Variants in HROB observed in about 807,000 individuals in gnomAD.
HROB encodes homologous recombination OB-fold protein.
HROB carries 44 observed loss-of-function variants against 61.0 expected under a neutral mutation model. That is an observed-to-expected ratio of 0.72 (90% CI 0.57 to 0.93). The LOEUF (loss-of-function observed/expected upper bound fraction) is 0.93, where lower values mean the gene tolerates loss of function less well. Ranked by LOEUF, HROB falls within the 40% of genes least tolerant of loss-of-function variation. HROB has a pLI of 0.00. For synonymous variants in HROB, 301 were observed against 310.4 expected, an observed-to-expected ratio of 0.97 and a Z score of 0.32; for missense variants, 716 against 796.2, an observed-to-expected ratio of 0.90 and a Z score of 1.21.
chr17:44,142,861 A>G (rs191181198), intron 1 of HROB, among the ~76,000 whole-genome samples: 116 of 152,300 alleles, frequency 7.6e-4, no homozygotes, highest in East Asian at 3.9e-4. Flanking sequence ...GTTTGACATA[A>G]GATTGGTCAG....
rs1039989893 is a variant in HROB at position 44,149,099 on chromosome 17, G to C, written c.1224+72G>C. The C allele has an allele frequency of 2.8e-6, 4 of 1,403,700 alleles. No homozygotes were observed. In the African/African-American group the frequency reaches 5.8e-5, roughly 20 times the overall value. The allele number at this position is 1,403,700 out of a possible 1,614,324, so 87.0% of individuals were successfully genotyped here. A position where few individuals can be genotyped will look rare whatever the true frequency, so the allele number is the denominator to read the frequency against. On this transcript the variant is annotated intron_variant, in intron 3 of 9. Coordinates refer to ENST00000585683, the MANE Select transcript of HROB (RefSeq NM_001171251.3). ...AGGGTTCCAGCACTGTCCAGCCCTA[G>C]CATATCTTCCCTCTTGCAGAGAAGG...
Position 44,148,707 on chromosome 17 carries a change from C to T in HROB, c.904C>T (p.Gln302Ter), listed in dbSNP as rs1246614447. 1.9e-6 allele frequency: 3 copies of T among 1,614,182 alleles called. No individual in the cohort carries two copies. The highest frequency in any genetic ancestry group is 3.3e-5 in the Admixed American group (2 of 60,018). ...PQNRFPCQPFQSPSSWLSGKA... is the reference protein window; with the variant it reads ...PQNRFPCQPF ...AAATCGTTTCCCTTGTCAGCCATTC[C>T]AGTCTCCAAGTTCCTGGTTAAGTGG... Residue 302 changes from glutamine (Q) to a stop codon, truncating the protein, a stop_gained, in exon 3 of 10, where the codon CAG (glutamine) becomes TAG (stop). Coordinates refer to ENST00000585683, the MANE Select transcript of HROB (RefSeq NM_001171251.3). LOFTEE classifies it high-confidence loss of function.
At chr17:44,158,373 A>AC (rs1401002839) in intron 9 of HROB, among the ~76,000 whole-genome samples, 2 of 152,218 alleles carry the variant, frequency 1.3e-5, no homozygotes, top group South Asian at 4.1e-4. Flanking sequence ...CAGGCTACAA[A>AC]CCAGAGAGGC....
In HROB at chr17:44,148,217, C is replaced by T. The variant is rs766747684; in HGVS notation, c.414C>T (p.Leu138=). The change falls in exon 3 of 10, where the codon CTC becomes CTT. Residue 138 remains leucine (L), a synonymous_variant. Transcript: ENST00000585683. ...AGTCCTCAGCCTTACACCCCCTACT[C>T]ACCTTTGAGAGCCAACAGCAGCAAG... ...RPQSSALHPL[L]TFESQQQQVG... is the part of the protein sequence containing the mutation. 2 of 1,614,088 alleles carry T rather than the reference C, an allele frequency of 1.2e-6. No individual in the cohort carries two copies. The highest frequency in any genetic ancestry group is 2.7e-5 in the African/African-American group (2 of 74,928).
intron 7 of HROB, 51 bp from the exon 8 acceptor site, chr17:44,155,235 C>T: frequency 6.2e-7 from 1 of 1,605,372 alleles, no homozygotes. Context: ...GTCCATCTGG[C>T]AGCTCCCAGT....
At chr17:44,146,843 T>C (rs552748257) in intron 2 of HROB, among the ~76,000 whole-genome samples, 1 of 152,116 alleles carries the variant, frequency 6.6e-6, no homozygotes, top group South Asian at 2.1e-4. Context: ...GTCAGTTAAA[T>C]CAGCAGTTCT....
Position 44,148,178 on chromosome 17 carries a change from G to C in HROB, c.375G>C (p.Glu125Asp). ...RRVTVTEVLRETARPQSSALH... is the reference protein window; with the variant it reads ...RRVTVTEVLRDTARPQSSALH... ...TGACAGTGACAGAAGTGCTCAGAGA[G>C]ACAGCAAGACCTCAGTCCTCAGCCT... Residue 125 changes from glutamate (E) to aspartate (D), a missense_variant, in exon 3 of 10, where the codon GAG (glutamate) becomes GAC (aspartate). Glu to Asp is a conservative substitution (Grantham distance 45). Transcript: ENST00000585683. 6.2e-7 allele frequency: 1 copy of C among 1,614,196 alleles called. No homozygotes were observed. Among genetic ancestry groups the C allele is most frequent in the South Asian group, 1.1e-5 (1 of 91,088 alleles).
intron 8 of HROB, among the ~76,000 whole-genome samples, chr17:44,157,405 CTTTTTTTT>C (rs71160088): frequency 0.062 from 5,062 of 81,556 alleles, 131 homozygotes; most frequent in Middle Eastern, 0.093. Context: ...CATCATGTTT[CTTTTTTTT>C]TTTTTTTTTT....
At chr17:44,147,126 G>A (rs996722478) in intron 2 of HROB, among the ~76,000 whole-genome samples, 2 of 151,944 alleles carry the variant, frequency 1.3e-5, no homozygotes, top group African/African-American at 4.8e-5. Context: ...AGCATGACCA[G>A]CTGGATAGAT....
At chr17:44,158,800 C>T (rs926873384) in intron 9 of HROB, among the ~76,000 whole-genome samples, 1 of 152,164 alleles carries the variant, frequency 6.6e-6, no homozygotes, top group Non-Finnish European at 1.5e-5. Context: ...CGCCCGCCAC[C>T]ATGCCCAGCT....
chr17:44,142,051 G>A lies in HROB; in HGVS notation c.-92G>A. 6.7e-7 allele frequency: 1 copy of A among 1,485,360 alleles called. No homozygotes were observed. The highest frequency in any genetic ancestry group is 1.2e-5 in the South Asian group (1 of 82,734). The allele number at this position is 1,485,360 out of a possible 1,614,324, so 92.0% of individuals were successfully genotyped here. On this transcript the variant is annotated 5_prime_UTR_variant, in exon 1 of 10. Transcript: ENST00000585683. ...GGAAGCACTGTCCCTCGGAGTCCGA[G>A]ACTTCCACCTGGGTCGTGTCCAAGG...
At chr17:44,142,524 T>C (rs1405609200) in intron 1 of HROB, among the ~76,000 whole-genome samples, 2 of 149,102 alleles carry the variant, frequency 1.3e-5, no homozygotes, top group Non-Finnish European at 3.0e-5. Context: ...TGGAGTGCAG[T>C]GGCGTGATCT....
At chr17:44,145,289 G>A in intron 2 of HROB, 36 bp downstream of exon 2, 2 of 1,611,580 alleles carry the variant, frequency 1.2e-6, no homozygotes, top group Non-Finnish European at 1.7e-6. Context: ...TGGCAGACGA[G>A]GTCTTAAAAT....
chr17:44,161,165 T>C (rs1486288719), intron 9 of HROB, among the ~76,000 whole-genome samples: 1 of 150,114 alleles, frequency 6.7e-6, no homozygotes, highest in Non-Finnish European at 1.5e-5. Flanking sequence ...ATCACGCCAC[T>C]GCACTCCAGC....
At chr17:44,145,729 C>G (rs1485946024) in intron 2 of HROB, among the ~76,000 whole-genome samples, 1 of 152,216 alleles carries the variant, frequency 6.6e-6, no homozygotes, top group Non-Finnish European at 1.5e-5. Flanking sequence ...TTCTTCCCTT[C>G]CCTCTGTCTA....
At chr17:44,152,169 G>A (rs994881365) in intron 4 of HROB, among the ~76,000 whole-genome samples, 2 of 151,640 alleles carry the variant, frequency 1.3e-5, no homozygotes, top group African/African-American at 4.8e-5. Flanking sequence ...TAGTAGAGAC[G>A]AGGTTTCACC....
chr17:44,145,264 G>T lies in HROB; in HGVS notation c.54+11G>T, dbSNP rs2053578501. The T allele has an allele frequency of 1.9e-6, 3 of 1,613,498 alleles. No homozygotes were observed. The highest frequency in any genetic ancestry group is 2.7e-5 in the African/African-American group (2 of 74,916). ...GAGTTTGAAGATGAGGTAGGGAAGT[G>T]TTGATGATCAGAGGTGGCAGACGAG... is the stretch of plus-strand genomic sequence containing the variant. On this transcript the variant is annotated intron_variant, in intron 2 of 9. Transcript: ENST00000585683.
chr17:44,156,661 ATTTATTTATT>A (rs922821808), intron 8 of HROB, among the ~76,000 whole-genome samples: 24 of 141,814 alleles, frequency 1.7e-4, no homozygotes, highest in African/African-American at 5.7e-4. Flanking sequence ...AATTACCGGT[ATTTATTTATT>A]TTTTTTTTTT....
chr17:44,154,804 G>T (rs376034206), intron 6 of HROB, 49 bp from the exon 7 acceptor site: 3 of 1,607,412 alleles, frequency 1.9e-6, no homozygotes, highest in Non-Finnish European at 2.6e-6. Flanking sequence ...CATACCAGTC[G>T]CTGTGCTGCC....
Sources: allele counts gnomAD v4.1 joint callset (sites outside exome capture counted in the v4.1 genomes callset), GRCh38; gene constraint gnomAD v4.1.1; transcripts MANE v1.5; gene names NCBI Gene and HGNC (gene_info 2026-07-23, HGNC 2026-07-21).